The following ACTN3 variants were observed in gnomAD, a reference collection of about 807,000 sequenced individuals.
ACTN3 encodes the protein alpha-actinin-3.
A neutral mutation model predicts 119.6 loss-of-function variants in ACTN3; 91 were observed. The ratio of observed to expected loss-of-function variants is 0.76; its 90% CI spans 0.64 to 0.91. ACTN3 has a LOEUF of 0.91. Ranked by LOEUF, ACTN3 falls within the 40% of genes least tolerant of loss-of-function variation. The pLI is 0.00. For synonymous variants in ACTN3, 456 were observed against 478.8 expected, an observed-to-expected ratio of 0.95 and a Z score of 0.62; for missense variants, 1,221 against 1,215.1, an observed-to-expected ratio of 1.00 and a Z score of -0.07.
At chr11:66,562,469 A>C in intron 19 of ACTN3, 147 bp downstream of exon 19, 1 of 997,418 alleles carries the variant, frequency 1.0e-6, no homozygotes, top group Non-Finnish European at 1.5e-6. Flanking sequence ...CAGGGAGGTA[A>C]AACTCACTTG....
chr11:66,562,162 T>G lies in ACTN3; in HGVS notation c.2316T>G (p.Phe772Leu). Residue 772 changes from phenylalanine (F) to leucine (L), a missense_variant, in exon 18 of 21, where the codon TTT (phenylalanine) becomes TTG (leucine). Phe to Leu is a conservative substitution (Grantham distance 22, BLOSUM62 0). Around this residue, in one of 3 missense-constraint regions of ACTN3, gnomAD observed 934 missense variants for 899.9 expected, o/e 1.04. Transcript: ENST00000513398. ...LNEFRASFNH[F>L]DRKQNGMMEP... ...AGTTCCGAGCATCCTTCAACCACTT[T>G]GACAGGGTCAGCAGGGGCCTGGCCC... 1 of 1,613,956 alleles carries G rather than the reference T, an allele frequency of 6.2e-7. No individual in the cohort carries two copies. The highest frequency in any genetic ancestry group is 8.5e-7 in the Non-Finnish European group (1 of 1,179,902).
chr11:66,562,606 G>C (rs1353123775), intron 19 of ACTN3, 190 bp from the exon 20 acceptor site: 1 of 259,938 alleles, frequency 3.8e-6, no homozygotes, highest in African/African-American at 2.3e-5. Flanking sequence ...GCTTCCTGCT[G>C]TGGGTAGGAT....
rs1385559734 is a variant in ACTN3, at chr11:66,555,445, C to T, written c.718+78C>T. On this transcript the variant is annotated intron_variant, in intron 7 of 20. Transcript: ENST00000513398. ...GTACAACCTCCACACCTTTGCACGG[C>T]CCTTTCCTCCTCCTGGGATGCTCCG... 58 of 1,456,998 alleles carry T rather than the reference C, an allele frequency of 4.0e-5. No homozygotes were observed. In the East Asian group the frequency reaches 5.2e-4, roughly 13 times the overall value. The allele number at this position is 1,456,998 out of a possible 1,614,324, so 90.3% of individuals were successfully genotyped here.
At chr11:66,550,696 C>T (rs1590803730) in intron 1 of ACTN3, among the ~76,000 whole-genome samples, 1 of 152,148 alleles carries the variant, frequency 6.6e-6, no homozygotes, top group African/African-American at 2.4e-5. Flanking sequence ...TGCCAGCTGA[C>T]GCTCCAACAG....
Position 66,559,308 on chromosome 11 carries a change from G to A in ACTN3, c.1349G>A (p.Arg450His), listed in dbSNP as rs771111976. The change falls in exon 12 of 21, where the codon CGC (arginine) becomes CAC (histidine). Residue 450 changes from arginine to histidine, a missense_variant. By Grantham distance (29) the Arg-to-His change is conservative. Transcript: ENST00000513398. ...LLQEVRALLR[R>H]HEAFESDLAA... is the part of the protein sequence containing the mutation. ...CAGGAGGTGCGGGCGTTGCTGCGGC[G>A]CCACGAGGCCTTTGAGAGCGACCTG... 73 of 1,574,620 alleles carry A rather than the reference G, an allele frequency of 4.6e-5. No homozygotes were observed. The highest frequency in any genetic ancestry group is 6.0e-5 in the Non-Finnish European group (70 of 1,162,738).
upstream of ACTN3, chr11:66,546,696 G>T: frequency 6.5e-7 from 1 of 1,534,276 alleles, no homozygotes; most frequent in Non-Finnish European, 8.7e-7. Context: ...CAGCAGCGGA[G>T]CAGGAATGCA....
chr11:66,558,492 C>T (rs902314115), intron 11 of ACTN3, among the ~76,000 whole-genome samples: 1 of 152,296 alleles, frequency 6.6e-6, no homozygotes, highest in African/African-American at 2.4e-5. Context: ...CTCAGCCACC[C>T]AAGTAGCTGG....
At chr11:66,550,269 T>C (rs907164811) in intron 1 of ACTN3, among the ~76,000 whole-genome samples, 1 of 152,198 alleles carries the variant, frequency 6.6e-6, no homozygotes, top group African/African-American at 2.4e-5. Context: ...GAGCCCACCC[T>C]GACTCTACCA....
Position 66,555,197 on chromosome 11 carries a change from A to G in ACTN3, c.625A>G (p.Lys209Glu), listed in dbSNP as rs1327388370. The G allele has an allele frequency of 1.9e-5, 30 of 1,613,568 alleles. No individual in the cohort carries two copies. The highest frequency in any genetic ancestry group is 1.6e-4 in the Middle Eastern group (1 of 6,082). ...RHRPDLIDYAKLRKDDPIGNL... is the reference protein window; with the variant it reads ...RHRPDLIDYAELRKDDPIGNL... Reference sequence around the variant, plus strand: ...CCGCCCTGACCTCATCGACTACGCCAAACTGCGAAAGGTAGAGGCCCCCAC... The same window carrying G: ...CCGCCCTGACCTCATCGACTACGCCGAACTGCGAAAGGTAGAGGCCCCCAC... The change falls in exon 6 of 21, where the codon AAA (lysine) becomes GAA (glutamate). Residue 209 changes from lysine to glutamate, a missense_variant. Physicochemically the swap from Lys to Glu is moderately conservative, Grantham distance 56 (BLOSUM62 1). Coordinates refer to ENST00000513398, the MANE Select transcript of ACTN3 (RefSeq NM_001104.4).
chr11:66,559,057 C>T (rs1325200786), intron 11 of ACTN3, 179 bp from the exon 12 acceptor site: 6 of 540,256 alleles, frequency 1.1e-5, no homozygotes, highest in East Asian at 3.5e-5. Context: ...TTGCGGATCA[C>T]GCCACGGAAG....
At position 66,557,825 on chromosome 11, in the gene ACTN3, A is replaced by T. The variant is rs763560182; in HGVS notation, c.1024A>T (p.Ile342Phe). The change falls in exon 10 of 21, where the codon ATT becomes TTT. Residue 342 changes from isoleucine (I) to phenylalanine (F), a missense_variant. Physicochemically the swap from Ile to Phe is conservative, Grantham distance 21 (BLOSUM62 0). Around this residue, in one of 3 missense-constraint regions of ACTN3, gnomAD observed 934 missense variants for 899.9 expected, o/e 1.04. Transcript: ENST00000513398. ...CCGGCGTCTGCACAAGCCGCCCCGC[A>T]TTCAGGAAAAGTGCCAGCTGGAGAT... ...DYRRLHKPPR[I>F]QEKCQLEINF... 6.2e-7 allele frequency: 1 copy of T among 1,614,180 alleles called. No individual in the cohort carries two copies. Among genetic ancestry groups the T allele is most frequent in the Non-Finnish European group, 8.5e-7 (1 of 1,180,008 alleles).
rs759047603 is a variant in ACTN3 at position 66,555,319 on chromosome 11, G to A, written c.670G>A (p.Glu224Lys). Residue 224 changes from glutamate to lysine, a missense_variant, in exon 7 of 21, where the codon GAG becomes AAG. By Grantham distance (56) the Glu-to-Lys change is moderately conservative. Coordinates refer to ENST00000513398, the MANE Select transcript of ACTN3 (RefSeq NM_001104.4). Reference protein sequence around the residue: ...DPIGNLNTAFEVAEKYLDIPK... With the variant: ...DPIGNLNTAFKVAEKYLDIPK... ...CATCGGAAACCTGAACACTGCCTTT[G>A]AGGTGGCAGAGAAATACCTGGACAT... 6.2e-7 allele frequency: 1 copy of A among 1,613,976 alleles called. No homozygotes were observed. Among genetic ancestry groups the A allele is most frequent in the East Asian group, 2.2e-5 (1 of 44,896 alleles).
rs1857843419 is a variant in ACTN3, at chr11:66,563,296, G to A, written c.*103G>A. 3 of 1,393,412 alleles carry A rather than the reference G, an allele frequency of 2.2e-6. No homozygotes were observed. Among genetic ancestry groups the A allele is most frequent in the Non-Finnish European group, 2.9e-6 (3 of 1,046,758 alleles). The allele number at this position is 1,393,412 out of a possible 1,614,324, so 86.3% of individuals were successfully genotyped here. ...AGGGCCTAAGAGAAAAGCCAGCCAA[G>A]TGCTTCTGAATAAAGATCCCTCTCT... On this transcript the variant is annotated 3_prime_UTR_variant, in exon 21 of 21. Transcript: ENST00000513398.
At chr11:66,554,472 A>AT in intron 4 of ACTN3, 64 bp from the exon 5 acceptor site, 3 of 1,233,510 alleles carry the variant, frequency 2.4e-6, no homozygotes, top group Non-Finnish European at 3.3e-6. Flanking sequence ...AAAAAAAAAA[A>AT]GAAGTGTGAG....
upstream of ACTN3, chr11:66,546,621 T>C: frequency 6.5e-7 from 1 of 1,535,008 alleles, no homozygotes; most frequent in Non-Finnish European, 8.7e-7. Flanking sequence ...TCGGCCTTTC[T>C]ATTGTGGAGA....
Position 66,560,699 on chromosome 11 carries a change from TC to T in ACTN3, c.1806del (p.Thr603ProfsTer39). On this transcript the variant is annotated frameshift_variant, in exon 15 of 21. Transcript: ENST00000513398. LOFTEE classifies it high-confidence loss of function. ...ICQTYGLRPC[S>X]TNPYITLSPQ... The stretch of plus-strand genomic sequence containing the variant: ...CCAGACGTATGGGCTGCGGCCCTGC[TC>T]CACCAATCCCTACATCACCCTCAGC... 6.2e-7 allele frequency: 1 copy of T among 1,613,894 alleles called. No homozygotes were observed. The highest frequency in any genetic ancestry group is 8.5e-7 in the Non-Finnish European group (1 of 1,179,838).
Position 66,562,115 on chromosome 11 carries a change from C to T in ACTN3, c.2269C>T (p.Leu757=). 1.2e-6 allele frequency: 2 copies of T among 1,614,086 alleles called. No individual in the cohort carries two copies. Among genetic ancestry groups the T allele is most frequent in the Non-Finnish European group, 1.7e-6 (2 of 1,179,992 alleles). The change falls in exon 18 of 21, where the codon CTG becomes TTG. Residue 757 remains leucine, a synonymous_variant. Transcript: ENST00000513398. ...NQVLTRDAKG[L]SQEQLNEFRA... is the part of the protein sequence containing the mutation. Reference sequence around the variant, plus strand: ...GGTACTGACCCGAGACGCCAAGGGACTGAGCCAGGAGCAGCTCAACGAGTT... The same window carrying T: ...GGTACTGACCCGAGACGCCAAGGGATTGAGCCAGGAGCAGCTCAACGAGTT...
intron 1 of ACTN3, 141 bp from the exon 2 acceptor site, chr11:66,551,098 A>T (rs1857459105): frequency 5.5e-6 from 4 of 729,816 alleles, no homozygotes; most frequent in Non-Finnish European, 1.0e-5. Flanking sequence ...CAGGATGCAC[A>T]GCAAGTCAGT....
chr11:66,559,542 C>A, intron 12 of ACTN3, 156 bp downstream of exon 12: 1 of 308,872 alleles, frequency 3.2e-6, no homozygotes, highest in Non-Finnish European at 4.7e-6. Context: ...TCCGCCCCTC[C>A]TGGAACCCCA....
Sources: gnomAD v4.1 joint callset for allele counts (sites outside exome capture counted in the v4.1 genomes callset) on GRCh38, gnomAD v4.1.1 for gene constraint, gnomAD v4.1.1 regional missense constraint, MANE v1.5 for transcripts, NCBI Gene and HGNC (gene_info 2026-07-23, HGNC 2026-07-21) for gene names.